Variants in STAU1 observed in about 807,000 individuals in gnomAD.
STAU1 encodes the protein double-stranded RNA-binding protein Staufen homolog 1.
Under a neutral mutation model 62.9 loss-of-function variants are expected in STAU1, and 13 were observed. The ratio of observed to expected loss-of-function variants is 0.21; its 90% CI spans 0.13 to 0.33. STAU1 has a LOEUF of 0.33. STAU1 is among the 10% of genes least tolerant of loss of function. The pLI is 1.00. For missense variants in STAU1, 571 were observed against 712.1 expected (o/e 0.80, Z 2.25); for synonymous variants, 269 against 265.1 (o/e 1.01, Z -0.14).
At chr20:49,151,967 C>T (rs1378028608) in intron 4 of STAU1, among the ~76,000 whole-genome samples, 2 of 152,176 alleles carry the variant, frequency 1.3e-5, no homozygotes, top group African/African-American at 2.4e-5. Context: ...TCCAAACTTA[C>T]ATCTCACAAA....
At chr20:49,128,659 C>G (rs2092684423) in intron 6 of STAU1, among the ~76,000 whole-genome samples, 2 of 150,888 alleles carry the variant, frequency 1.3e-5, no homozygotes, top group South Asian at 2.1e-4. Context: ...CTCAGCCAGG[C>G]ATGGTGGCTC....
the STAU1 span, among the ~76,000 whole-genome samples, chr20:49,196,222 G>T: frequency 6.8e-6 from 1 of 146,052 alleles, no homozygotes; most frequent in African/African-American, 2.5e-5. Context: ...GGATCACGAG[G>T]TCAGGAGATC....
chr20:49,140,660 AC>A, intron 5 of STAU1, among the ~76,000 whole-genome samples: 1 of 152,192 alleles, frequency 6.6e-6, no homozygotes, highest in South Asian at 2.1e-4. Context: ...GTGGGGAGTA[AC>A]TCTTCAATGA....
chr20:49,189,135 G>A (rs981745257), upstream of STAU1, among the ~76,000 whole-genome samples: 3 of 133,714 alleles, frequency 2.2e-5, no homozygotes, highest in Non-Finnish European at 4.6e-5. Flanking sequence ...CCCGGGAGGC[G>A]GAGATTGCAG....
rs1447081370 is a variant in STAU1, at chr20:49,115,802, T to C, written c.1698A>G (p.Thr566=). 6.2e-7 allele frequency: 1 copy of C among 1,614,100 alleles called. No homozygotes were observed. Among genetic ancestry groups the C allele is most frequent in the Non-Finnish European group, 8.5e-7 (1 of 1,179,972 alleles). ...LDQQSTEMPR[T]GNGPMSVCGR... ...CTCACACAGACATTGGTCCGTTTCCTGTTCTTGGCATCTCTGTACTTTGTT... is the reference window on the plus strand; with the variant it reads ...CTCACACAGACATTGGTCCGTTTCCCGTTCTTGGCATCTCTGTACTTTGTT... The change falls in exon 13 of 14, where the codon ACA becomes ACG. Residue 566 remains threonine, a synonymous_variant. Transcript: ENST00000371856.
Position 49,123,243 on chromosome 20 carries a change from A to T in STAU1, c.823-8T>A. Reference sequence around the variant, plus strand: ...TTCTGGGCTTGTCTGTGGCTGAGGAACAAACAAGGCAGAAACTCTGTAATG... The same window carrying T: ...TTCTGGGCTTGTCTGTGGCTGAGGATCAAACAAGGCAGAAACTCTGTAATG... On this transcript the variant is annotated splice_region_variant and splice_polypyrimidine_tract_variant and intron_variant, in intron 7 of 13. Coordinates refer to ENST00000371856, the MANE Select transcript of STAU1 (RefSeq NM_017453.4). The T allele has an allele frequency of 6.2e-7, 1 of 1,614,204 alleles. No homozygotes were observed. The highest frequency in any genetic ancestry group is 8.5e-7 in the Non-Finnish European group (1 of 1,180,016).
At chr20:49,157,664 G>GACTA (rs1291109291) in intron 3 of STAU1, among the ~76,000 whole-genome samples, 1 of 152,042 alleles carries the variant, frequency 6.6e-6, no homozygotes. Flanking sequence ...ATTTTTAGTA[G>GACTA]GGATGGGGTT....
intron 9 of STAU1, 104 bp downstream of exon 9, chr20:49,119,878 T>C (rs931014724): frequency 1.5e-6 from 2 of 1,374,970 alleles, no homozygotes; most frequent in Non-Finnish European, 2.0e-6. Context: ...CCTTGAACTG[T>C]CAGGCAGATA....
At chr20:49,211,094 T>G in the STAU1 span, among the ~76,000 whole-genome samples, 4 of 152,224 alleles carry the variant, frequency 2.6e-5, no homozygotes, top group Admixed American at 1.3e-4. Flanking sequence ...GTGTCTGGCT[T>G]CTTCTACTTA....
At chr20:49,130,977 T>C (rs1159083703) in intron 6 of STAU1, among the ~76,000 whole-genome samples, 1 of 150,896 alleles carries the variant, frequency 6.6e-6, no homozygotes, top group Admixed American at 6.6e-5. Flanking sequence ...CGGGGAGACC[T>C]GTGAAGGCCC....
rs1223138041 is a variant in STAU1 at position 49,113,540 on chromosome 20, T to C, written c.*1338A>G. 4.6e-5 allele frequency: 7 copies of C among 152,646 alleles called. No individual in the cohort carries two copies. Among genetic ancestry groups the C allele is most frequent in the Admixed American group, 4.6e-4 (7 of 15,282 alleles). 9.5% of individuals were successfully genotyped at this position (152,646 alleles called of 1,614,324 possible). ...CAAAAAAATTTAGTATTACCATTTA[T>C]TGATGACAAACACTTAAGTTTTACT... On this transcript the variant is annotated 3_prime_UTR_variant, in exon 14 of 14. Transcript: ENST00000371856.
At chr20:49,175,378 T>C (rs532222589) in intron 1 of STAU1, among the ~76,000 whole-genome samples, 2 of 152,278 alleles carry the variant, frequency 1.3e-5, no homozygotes, top group Non-Finnish European at 2.9e-5. Flanking sequence ...GAAGAATATT[T>C]TGCAGAGACA....
At chr20:49,173,571 GTTAAC>G (rs1568927713) in intron 2 of STAU1, among the ~76,000 whole-genome samples, 1 of 152,016 alleles carries the variant, frequency 6.6e-6, no homozygotes, top group East Asian at 1.9e-4. Flanking sequence ...CTCAAAGTAG[GTTAAC>G]TTGTCTACTA....
At chr20:49,175,489 T>C (rs539242083) in intron 1 of STAU1, among the ~76,000 whole-genome samples, 2 of 151,232 alleles carry the variant, frequency 1.3e-5, no homozygotes, top group Admixed American at 1.3e-4. Flanking sequence ...TTTGTTCAGG[T>C]TTTTTTTTGA....
In STAU1 at chr20:49,172,294, A is replaced by C. The variant is rs181307306; in HGVS notation, c.-85+1901T>G. On this transcript the variant is annotated intron_variant, in intron 2 of 13. Coordinates refer to ENST00000371856, the MANE Select transcript of STAU1 (RefSeq NM_017453.4). ...TACCTCTATAGCCTAAAAAACTATA[A>C]GCCTTATTTTCTTTTCTAGTTTTAA... Among the ~76,000 whole-genome samples, 657 of 152,324 alleles carry C rather than the reference A, an allele frequency of 4.3e-3. 1 individual carries two copies. The highest frequency in any genetic ancestry group is 5.9e-3 in the Non-Finnish European group (403 of 68,022).
At chr20:49,142,081 AT>A (rs879894874) in intron 5 of STAU1, among the ~76,000 whole-genome samples, 1,792 of 111,658 alleles carry the variant, frequency 0.016, 40 homozygotes, top group African/African-American at 0.052. Flanking sequence ...ACAACAACAA[AT>A]ATTTATTTTT....
At chr20:49,180,577 G>A (rs1330302325) in intron 1 of STAU1, among the ~76,000 whole-genome samples, 1 of 152,192 alleles carries the variant, frequency 6.6e-6, no homozygotes, top group Non-Finnish European at 1.5e-5. Context: ...GCCTGCCTTG[G>A]CCTCCCAAAG....
At chr20:49,118,239 CG>C in intron 10 of STAU1, 93 bp downstream of exon 10, 7 of 1,381,016 alleles carry the variant, frequency 5.1e-6, no homozygotes, top group Non-Finnish European at 7.1e-6. Flanking sequence ...ACTTTGCATG[CG>C]GGACCTCACT....
chr20:49,196,309 G>A, the STAU1 span, among the ~76,000 whole-genome samples: 4 of 151,362 alleles, frequency 2.6e-5, no homozygotes, highest in South Asian at 4.2e-4. Flanking sequence ...GGTGGCGGGC[G>A]CCTGTAGTCC....
Sources: allele counts gnomAD v4.1 joint callset (sites outside exome capture counted in the v4.1 genomes callset), GRCh38; gene constraint gnomAD v4.1.1; transcripts MANE v1.5; gene names NCBI Gene and HGNC (gene_info 2026-07-23, HGNC 2026-07-21).